Variants in EDA observed in about 807,000 individuals in gnomAD.
EDA encodes the protein ectodysplasin-A.
Under a neutral mutation model 23.6 loss-of-function variants are expected in EDA, and 2 were observed. The observed-to-expected ratio is 0.08, with a 90% CI of 0.03 to 0.27. The LOEUF is 0.27. Ranked by LOEUF, EDA falls within the 10% of genes least tolerant of loss-of-function variation. EDA has a pLI of 1.00. For missense variants in EDA, 229 were observed against 324.2 expected (o/e 0.71, Z 2.26); for synonymous variants, 131 against 132.0 (o/e 0.99, Z 0.05).
chrX:69,828,946 C>T (rs1273899469), intron 1 of EDA, among the ~76,000 whole-genome samples: 1 of 112,104 alleles, frequency 8.9e-6, no homozygotes, highest in South Asian at 3.7e-4. Flanking sequence ...CCATTTTTAT[C>T]ATTCATTTCT....
intron 1 of EDA, among the ~76,000 whole-genome samples, chrX:69,935,914 C>A (rs1337782941): frequency 1.9e-5 from 2 of 108,092 alleles, no homozygotes; most frequent in African/African-American, 6.7e-5. Flanking sequence ...TATATATATT[C>A]TCATATATTC....
Position 70,037,204 on chromosome X carries a change from G to T in EDA, c.*1595G>T, listed in dbSNP as rs925602461. The T allele has an allele frequency of 8.9e-6, 1 of 112,232 alleles. No homozygotes were observed. The highest frequency in any genetic ancestry group is 3.2e-5 in the African/African-American group (1 of 30,842). 9.2% of individuals were successfully genotyped at this position (112,232 alleles called of 1,213,427 possible). A position where few individuals can be genotyped will look rare whatever the true frequency, so the allele number is the denominator to read the frequency against. On this transcript the variant is annotated 3_prime_UTR_variant, in exon 8 of 8. Coordinates refer to ENST00000374552, the MANE Select transcript of EDA (RefSeq NM_001399.5). The stretch of plus-strand genomic sequence containing the variant: ...GGAGATGGGGAATAATTTCCTTCAG[G>T]CAGCTGAAATTCACCAAGAACAGCG...
intron 1 of EDA, among the ~76,000 whole-genome samples, chrX:69,753,842 C>T (rs373971686): frequency 1.8e-5 from 2 of 109,559 alleles, no homozygotes; most frequent in Middle Eastern, 9.4e-3. Flanking sequence ...CCTTCTTTGT[C>T]TTTTTTCATC....
At chrX:69,696,944 C>A (rs753890849) in intron 1 of EDA, among the ~76,000 whole-genome samples, 21 of 111,980 alleles carry the variant, frequency 1.9e-4, no homozygotes, top group Non-Finnish European at 3.0e-4. Context: ...TAGAGTAATT[C>A]CTCCTTTACT....
intron 2 of EDA, among the ~76,000 whole-genome samples, chrX:70,014,347 T>A (rs1268236853): frequency 8.9e-6 from 1 of 112,776 alleles, no homozygotes; most frequent in African/African-American, 3.2e-5. Context: ...TACCCCCCGA[T>A]AAAATCAAGG....
intron 1 of EDA, among the ~76,000 whole-genome samples, chrX:69,831,455 C>G (rs771862383): frequency 2.7e-5 from 3 of 112,536 alleles, no homozygotes; most frequent in Non-Finnish European, 5.6e-5. Flanking sequence ...TCCAGTCTAT[C>G]ATTGATGGAC....
At chrX:69,684,972 T>C (rs1048966713) in intron 1 of EDA, among the ~76,000 whole-genome samples, 23 of 112,481 alleles carry the variant, frequency 2.0e-4, no homozygotes, top group African/African-American at 7.4e-4. Flanking sequence ...GTAGTGAAGA[T>C]GAGAAGACTT....
intron 2 of EDA, among the ~76,000 whole-genome samples, chrX:69,964,423 GA>G (rs2019146146): frequency 9.0e-6 from 1 of 111,665 alleles, no homozygotes; most frequent in Non-Finnish European, 1.9e-5. Flanking sequence ...ATTAGGATAA[GA>G]AAAGATGTTG....
At chrX:69,800,714 C>T (rs2015663742) in intron 1 of EDA, among the ~76,000 whole-genome samples, 1 of 111,753 alleles carries the variant, frequency 8.9e-6, no homozygotes, top group Non-Finnish European at 1.9e-5. Flanking sequence ...TTTGTTACCA[C>T]ATTTTAAAAT....
intron 1 of EDA, among the ~76,000 whole-genome samples, chrX:69,903,615 A>ACG (rs2018129141): frequency 9.2e-6 from 1 of 108,772 alleles, no homozygotes; most frequent in Non-Finnish European, 1.9e-5. Flanking sequence ...ACACACACAC[A>ACG]CACATATCTT....
Position 69,737,614 on chromosome X carries a change from TAAG to T in EDA, c.396+120916_396+120918del, listed in dbSNP as rs768249178. 3.6e-5 allele frequency among the ~76,000 whole-genome samples: 4 copies of T among 112,529 alleles called. No homozygotes were observed. The South Asian group carries it at 1.1e-3, about 30-fold the overall frequency. On this transcript the variant is annotated intron_variant, in intron 1 of 7. Coordinates refer to ENST00000374552, the MANE Select transcript of EDA (RefSeq NM_001399.5). Reference sequence around the variant, plus strand: ...TTGCTTTACATAGTTATTTATCTTTTAAGAAGAATTAAAAAATGATTACATATC... The same window carrying T: ...TTGCTTTACATAGTTATTTATCTTTTAAGAATTAAAAAATGATTACATATC...
intron 1 of EDA, among the ~76,000 whole-genome samples, chrX:69,945,158 G>C (rs2018816325): frequency 1.8e-5 from 2 of 111,569 alleles, no homozygotes; most frequent in Admixed American, 9.5e-5. Context: ...TCTGATTTTT[G>C]GTTCTTATTA....
chrX:69,764,543 C>T (rs1300315897), intron 1 of EDA, among the ~76,000 whole-genome samples: 1 of 110,196 alleles, frequency 9.1e-6, no homozygotes, highest in Non-Finnish European at 1.9e-5. Flanking sequence ...GCACCCTGCC[C>T]GTTTCTTATT....
intron 1 of EDA, among the ~76,000 whole-genome samples, chrX:69,858,321 A>G (rs1807361242): frequency 8.9e-6 from 1 of 111,739 alleles, no homozygotes; most frequent in Non-Finnish European, 1.9e-5. Context: ...TTCAAGGGGG[A>G]TGCTTCCAGC....
rs773269130 is a variant in EDA at position 69,924,626 on chromosome X, T to C, written c.397-32401T>C. ...TTTTTACTTAGGATTGTCTTGGCTA[T>C]ACAGGGTTGTCTTTGATTCCACATG... On this transcript the variant is annotated intron_variant, in intron 1 of 7. Coordinates refer to ENST00000374552, the MANE Select transcript of EDA (RefSeq NM_001399.5). Among the ~76,000 whole-genome samples the C allele has an allele frequency of 5.5e-3, 616 of 112,123 alleles. 3 individuals carry two copies. The highest frequency in any genetic ancestry group is 9.2e-3 in the Non-Finnish European group (490 of 53,216).
chrX:69,850,104 G>A (rs1250899916), intron 1 of EDA, among the ~76,000 whole-genome samples: 1 of 112,152 alleles, frequency 8.9e-6, no homozygotes, highest in Non-Finnish European at 1.9e-5. Flanking sequence ...CAAACTGCTC[G>A]CTTGCCATCT....
chrX:70,038,615 A>G lies in EDA; in HGVS notation c.*3006A>G, dbSNP rs1166072595. 4 of 111,660 alleles carry G rather than the reference A, an allele frequency of 3.6e-5. No individual in the cohort carries two copies. The highest frequency in any genetic ancestry group is 7.7e-4 in the South Asian group (2 of 2,602). The allele number at this position is 111,660 out of a possible 1,213,427, so 9.2% of individuals were successfully genotyped here. A position where few individuals can be genotyped will look rare whatever the true frequency, so the allele number is the denominator to read the frequency against. On this transcript the variant is annotated 3_prime_UTR_variant, in exon 8 of 8. Transcript: ENST00000374552. ...TGCTCGGCTACTGGTTACCTGGAGAAGTAGTATTTGCCTATTTCCCCCTTC... is the reference window on the plus strand; with the variant it reads ...TGCTCGGCTACTGGTTACCTGGAGAGGTAGTATTTGCCTATTTCCCCCTTC...
At chrX:69,921,035 A>G (rs150187383) in intron 1 of EDA, among the ~76,000 whole-genome samples, 17 of 111,110 alleles carry the variant, frequency 1.5e-4, no homozygotes, top group African/African-American at 5.5e-4. Flanking sequence ...ATAATCCAAT[A>G]CGCTTTATTC....
At chrX:69,711,650 A>G (rs1468224641) in intron 1 of EDA, among the ~76,000 whole-genome samples, 1 of 111,365 alleles carries the variant, frequency 9.0e-6, no homozygotes, top group Admixed American at 9.6e-5. Context: ...GTAGGCTATT[A>G]ATTATTGCCT....
Sources: allele counts gnomAD v4.1 joint callset (sites outside exome capture counted in the v4.1 genomes callset), GRCh38; gene constraint gnomAD v4.1.1; transcripts MANE v1.5; gene names NCBI Gene and HGNC (gene_info 2026-07-23, HGNC 2026-07-21).